Variants in LAD1 observed in about 807,000 individuals in gnomAD.
The protein encoded by LAD1 is ladinin 1, also known as ladinin-1.
LAD1 carries 53 observed loss-of-function variants against 54.2 expected under a neutral mutation model. That is an observed-to-expected ratio of 0.98 (90% CI 0.78 to 1.23). LAD1 has a LOEUF of 1.23. Among genes scored for constraint, LAD1 ranks in the 50% most tolerant of loss-of-function variants. The pLI, the probability that LAD1 is intolerant of heterozygous loss-of-function variation, is 0.00. For missense variants in LAD1, 637 were observed against 653.3 expected, an observed-to-expected ratio of 0.98 and a Z score of 0.27; for synonymous variants, 231 against 257.7, an observed-to-expected ratio of 0.90 and a Z score of 0.99.
rs1486769987 is a variant in LAD1 at position 201,399,295 on chromosome 1, G to T, written c.12C>A (p.Ser4Arg). 4 of 1,546,258 alleles carry T rather than the reference G, an allele frequency of 2.6e-6. No homozygotes were observed. Among genetic ancestry groups the T allele is most frequent in the Non-Finnish European group, 2.6e-6 (3 of 1,151,770 alleles). Residue 4 changes from serine to arginine, a missense_variant, in exon 1 of 10, where the codon AGC becomes AGA. Transcript: ENST00000391967. The stretch of plus-strand genomic sequence containing the variant: ...TGGACAGCGCGGACCAGTCCTTCCT[G>T]CTGACAGCCATGCTGCAGGAGCCCC... MAV[S>R]RKDWSALSSL...
At chr1:201,386,222 G>A in intron 3 of LAD1, 113 bp downstream of exon 3, 1 of 1,075,090 alleles carries the variant, frequency 9.3e-7, no homozygotes, top group Non-Finnish European at 1.3e-6. Context: ...AGGCCAGCCT[G>A]CAGGTAGGAG....
At chr1:201,382,113 C>A in intron 9 of LAD1, 139 bp downstream of exon 9, 1 of 868,402 alleles carries the variant, frequency 1.2e-6, no homozygotes, top group South Asian at 1.5e-5. Context: ...TCAGACCAAT[C>A]TGCATGAGCA....
Position 201,387,086 on chromosome 1 carries a change from C to T in LAD1, c.275G>A (p.Arg92Gln), listed in dbSNP as rs201050623. Residue 92 changes from arginine (R) to glutamine (Q), a missense_variant, in exon 3 of 10, where the codon CGG becomes CAG. By Grantham distance (43) the Arg-to-Gln change is conservative (BLOSUM62 1). Coordinates refer to ENST00000391967, the MANE Select transcript of LAD1 (RefSeq NM_005558.4). ...DEDIQSILRT[R>Q]QERRQRRQVV... ...CTGCCGCCTCTGCCTCCGCTCCTGC[C>T]GTGTTCTGAGGATGCTCTGGATGTC... The T allele has an allele frequency of 3.0e-5, 48 of 1,609,044 alleles. No individual in the cohort carries two copies. Among genetic ancestry groups the T allele is most frequent in the African/African-American group, 4.0e-5 (3 of 74,818 alleles).
At chr1:201,387,301 T>C (rs1260923679) in intron 2 of LAD1, 123 bp from the exon 3 acceptor site, 1 of 1,026,352 alleles carries the variant, frequency 9.7e-7, no homozygotes, top group Non-Finnish European at 1.3e-6. Context: ...GGCCCTGGCC[T>C]CCCCGGCTCA....
rs369301372 is a variant in LAD1, at chr1:201,385,754, G to T, written c.1078C>A (p.Arg360=). ...EEADMSSPTQ[R]TYSSSLKRSS... ...CGTTTGAGGGAGCTGCTGTAGGTTC[G>T]CTGTGTGGGTGAGGACATATCTGCC... The change falls in exon 4 of 10, where the codon CGA becomes AGA. Residue 360 remains arginine (R), a synonymous_variant. Coordinates refer to ENST00000391967, the MANE Select transcript of LAD1 (RefSeq NM_005558.4). 6.2e-7 allele frequency: 1 copy of T among 1,614,144 alleles called. No individual in the cohort carries two copies. Among genetic ancestry groups the T allele is most frequent in the Non-Finnish European group, 8.5e-7 (1 of 1,179,998 alleles).
chr1:201,381,674 G>T lies in LAD1; in HGVS notation c.*214C>A. On this transcript the variant is annotated 3_prime_UTR_variant, in exon 10 of 10. Coordinates refer to ENST00000391967, the MANE Select transcript of LAD1 (RefSeq NM_005558.4). The stretch of plus-strand genomic sequence containing the variant: ...CCAGCATCTGTTGTGCCTGCCGCAG[G>T]GTGAGAAAGTCCCAGCCCCAAGAGG... 1 of 642,752 alleles carries T rather than the reference G, an allele frequency of 1.6e-6. No individual in the cohort carries two copies. 39.8% of individuals were successfully genotyped at this position (642,752 alleles called of 1,614,324 possible).
intron 1 of LAD1, among the ~76,000 whole-genome samples, chr1:201,392,758 C>T (rs532110975): frequency 3.3e-5 from 5 of 151,718 alleles, no homozygotes; most frequent in South Asian, 2.1e-4. Context: ...ATGATGGGAT[C>T]GCTCTATTTT....
intron 1 of LAD1, among the ~76,000 whole-genome samples, chr1:201,392,092 A>C (rs926563497): frequency 1.3e-5 from 2 of 152,248 alleles, no homozygotes; most frequent in Admixed American, 6.5e-5. Flanking sequence ...GTGGTAAGGC[A>C]AGGTCAGGTG....
At chr1:201,394,442 C>G (rs538462210) in intron 1 of LAD1, among the ~76,000 whole-genome samples, 1 of 152,320 alleles carries the variant, frequency 6.6e-6, no homozygotes, top group African/African-American at 2.4e-5. Context: ...TCAGTCACAC[C>G]TCTACTTCCT....
Position 201,383,298 on chromosome 1 carries a change from A to C in LAD1, c.1248+19T>G. 1 of 1,613,990 alleles carries C rather than the reference A, an allele frequency of 6.2e-7. No homozygotes were observed. Among genetic ancestry groups the C allele is most frequent in the Non-Finnish European group, 8.5e-7 (1 of 1,179,952 alleles). On this transcript the variant is annotated intron_variant, in intron 6 of 9. Coordinates refer to ENST00000391967, the MANE Select transcript of LAD1 (RefSeq NM_005558.4). ...ACTCATCCTGCACCCTCCGCCCCTCAGGAGAAGCCCCCACCCACCCGTATG... is the reference window on the plus strand; with the variant it reads ...ACTCATCCTGCACCCTCCGCCCCTCCGGAGAAGCCCCCACCCACCCGTATG...
At position 201,381,716 on chromosome 1, in the gene LAD1, C is replaced by A. The variant is rs1161820875; in HGVS notation, c.*172G>T. The A allele has an allele frequency of 5.4e-6, 4 of 736,168 alleles. No individual in the cohort carries two copies. In the East Asian group the frequency reaches 8.1e-5, roughly 15 times the overall value. 45.6% of individuals were successfully genotyped at this position (736,168 alleles called of 1,614,324 possible). On this transcript the variant is annotated 3_prime_UTR_variant, in exon 10 of 10. Coordinates refer to ENST00000391967, the MANE Select transcript of LAD1 (RefSeq NM_005558.4). ...CCCAAGAGGCTGGGCTGGGAAGGAG[C>A]TGGCTGAGTCTTGCAAATATTCCTG...
chr1:201,396,864 AAGT>A (rs1336740166), intron 1 of LAD1, among the ~76,000 whole-genome samples: 1 of 152,048 alleles, frequency 6.6e-6, no homozygotes, highest in Non-Finnish European at 1.5e-5. Flanking sequence ...CAGCGATTGG[AAGT>A]AGGAGGGCGG....
chr1:201,383,699 C>A (rs1289780160), intron 5 of LAD1: 2 of 405,004 alleles, frequency 4.9e-6, no homozygotes, highest in Non-Finnish European at 9.3e-6. Context: ...ACAGCAATCG[C>A]CACTTACCTG....
chr1:201,386,409 G>A lies in LAD1; in HGVS notation c.952C>T (p.Leu318=). The A allele has an allele frequency of 6.6e-7, 1 of 1,526,076 alleles. No individual in the cohort carries two copies. Among genetic ancestry groups the A allele is most frequent in the Non-Finnish European group, 8.8e-7 (1 of 1,141,802 alleles). The allele number at this position is 1,526,076 out of a possible 1,614,324, so 94.5% of individuals were successfully genotyped here. A position where few individuals can be genotyped will look rare whatever the true frequency, so the allele number is the denominator to read the frequency against. The part of the protein sequence containing the change: ...QRGRALPGKN[L]PSLAKQGASD... ...GCCCCCTGCTTTGCCAAAGAGGGCA[G>A]GTTCTTCCCAGGGAGGGCCCTTCCT... Residue 318 remains leucine, a synonymous_variant, in exon 3 of 10, where the codon CTG becomes TTG. Transcript: ENST00000391967.
At position 201,382,293 on chromosome 1, in the gene LAD1, T is replaced by C. The variant is rs2275866; in HGVS notation, c.1507A>G (p.Thr503Ala). The C allele has an allele frequency of 1.2e-6, 2 of 1,613,516 alleles. No individual in the cohort carries two copies. Among genetic ancestry groups the C allele is most frequent in the Non-Finnish European group, 1.7e-6 (2 of 1,179,724 alleles). Residue 503 changes from threonine to alanine, a missense_variant, in exon 9 of 10, where the codon ACT becomes GCT. Physicochemically the swap from Thr to Ala is moderately conservative, Grantham distance 58 (BLOSUM62 0). Coordinates refer to ENST00000391967, the MANE Select transcript of LAD1 (RefSeq NM_005558.4). ...GAGTCAGATTTCTGTCCCCACTGAG[T>C]CCTCTCGGTTGCAGATGATGCTTTC... ...AQKASSATER[T>A]QWGQKSDSSL...
intron 5 of LAD1, 196 bp from the exon 6 acceptor site, chr1:201,383,585 C>T (rs1184721719): frequency 1.6e-6 from 1 of 625,922 alleles, no homozygotes; most frequent in African/African-American, 1.8e-5. Flanking sequence ...CCTCCACTTC[C>T]AAGAAACGTC....
intron 1 of LAD1, among the ~76,000 whole-genome samples, chr1:201,394,831 AGTG>A (rs1009859120): frequency 6.6e-6 from 1 of 152,180 alleles, no homozygotes; most frequent in African/African-American, 2.4e-5. Context: ...CAAAGCCCAG[AGTG>A]CCTCTCCCCT....
chr1:201,384,770 C>A (rs776935756), intron 5 of LAD1, 22 bp downstream of exon 5: 16 of 1,613,456 alleles, frequency 9.9e-6, no homozygotes, highest in Non-Finnish European at 1.4e-5. Context: ...ATAGAAAGAA[C>A]CAGAGCCTCC....
intron 5 of LAD1, 85 bp from the exon 6 acceptor site, chr1:201,383,474 A>G (rs1444599539): frequency 1.6e-6 from 2 of 1,228,202 alleles, no homozygotes; most frequent in Admixed American, 3.4e-5. Flanking sequence ...GAGCAGCCCC[A>G]TCACACGTTC....
Sources: gnomAD v4.1 joint callset for allele counts (sites outside exome capture counted in the v4.1 genomes callset) on GRCh38, gnomAD v4.1.1 for gene constraint, MANE v1.5 for transcripts, NCBI Gene and HGNC (gene_info 2026-07-23, HGNC 2026-07-21) for gene names.